Variants in ITGA1 observed in about 807,000 individuals in gnomAD.
The protein encoded by ITGA1 is integrin alpha-1.
Under a neutral mutation model 145.9 loss-of-function variants are expected in ITGA1, and 85 were observed. The ratio of observed to expected loss-of-function variants is 0.58; its 90% CI spans 0.49 to 0.70. The LOEUF (loss-of-function observed/expected upper bound fraction) is 0.70, where lower values mean the gene tolerates loss of function less well. Among genes scored for constraint, ITGA1 ranks in the 30% least tolerant of loss-of-function variants. The probability of loss-of-function intolerance (pLI) is 0.00; values close to 1 mark genes in which losing one functional copy is unlikely to be tolerated. For missense variants in ITGA1, 1,351 were observed against 1,418.7 expected, an observed-to-expected ratio of 0.95 and a Z score of 0.77; for synonymous variants, 520 against 495.3, an observed-to-expected ratio of 1.05 and a Z score of -0.66.
At chr5:52,824,129 T>A (rs934231899) in intron 1 of ITGA1, among the ~76,000 whole-genome samples, 1 of 152,074 alleles carries the variant, frequency 6.6e-6, no homozygotes, top group East Asian at 1.9e-4. Context: ...ATAGTAATCA[T>A]TAAATCAAAT....
chr5:52,789,047 A>G (rs1748186769), intron 1 of ITGA1, among the ~76,000 whole-genome samples: 1 of 152,256 alleles, frequency 6.6e-6, no homozygotes, highest in African/African-American at 2.4e-5. Flanking sequence ...TTTAAGATGC[A>G]AAATATAGTA....
intron 11 of ITGA1, among the ~76,000 whole-genome samples, 167 bp downstream of exon 11, chr5:52,898,550 A>G (rs1750267270): frequency 6.6e-6 from 1 of 152,146 alleles, no homozygotes; most frequent in Non-Finnish European, 1.5e-5. Flanking sequence ...GAGCAGCTTT[A>G]GTTAGTCAAA....
At chr5:52,892,402 A>G (rs1750165466) in intron 8 of ITGA1, among the ~76,000 whole-genome samples, 1 of 152,186 alleles carries the variant, frequency 6.6e-6, no homozygotes, top group Admixed American at 6.5e-5. Context: ...GAATAGTAAA[A>G]TGGCAAAATG....
At position 52,957,299 on chromosome 5, in the gene ITGA1, T is replaced by C. The variant is rs1463114616; in HGVS notation, c.*4848T>C. The C allele has an allele frequency of 1.3e-5, 2 of 152,122 alleles. No homozygotes were observed. The highest frequency in any genetic ancestry group is 3.9e-4 in the East Asian group (2 of 5,190). 9.4% of individuals were successfully genotyped at this position (152,122 alleles called of 1,614,324 possible). On this transcript the variant is annotated 3_prime_UTR_variant, in exon 29 of 29. Transcript: ENST00000282588. ...TTATAAAGGGCCGATGCTTAACCCTTGAACCCACTACTGTTCTTATGCCCC... is the reference window on the plus strand; with the variant it reads ...TTATAAAGGGCCGATGCTTAACCCTCGAACCCACTACTGTTCTTATGCCCC...
At chr5:52,888,110 T>G in intron 8 of ITGA1, 145 bp downstream of exon 8, 1 of 730,844 alleles carries the variant, frequency 1.4e-6, no homozygotes, top group Non-Finnish European at 2.1e-6. Context: ...AGGACAGACT[T>G]GGATCTTGCT....
chr5:52,884,901 G>A (rs1370467050), intron 7 of ITGA1, among the ~76,000 whole-genome samples: 1 of 151,950 alleles, frequency 6.6e-6, no homozygotes, highest in Non-Finnish European at 1.5e-5. Context: ...ACAGATTAAC[G>A]GCTCAGTCCT....
chr5:52,932,843 T>A (rs1261907386), intron 22 of ITGA1: 1 of 152,152 alleles, frequency 6.6e-6, no homozygotes. Context: ...TCTTATGTGA[T>A]CCTCATGATA....
intron 1 of ITGA1, among the ~76,000 whole-genome samples, chr5:52,823,718 T>G (rs1748915077): frequency 6.6e-6 from 1 of 152,126 alleles, no homozygotes; most frequent in Non-Finnish European, 1.5e-5. Flanking sequence ...CAACGGAGAC[T>G]GAGAAAGCAG....
intron 1 of ITGA1, among the ~76,000 whole-genome samples, chr5:52,806,834 C>T (rs965170069): frequency 2.4e-4 from 36 of 152,064 alleles, no homozygotes; most frequent in African/African-American, 8.2e-4. Flanking sequence ...AGGACAAACA[C>T]CTTTGTGTGT....
intron 2 of ITGA1, among the ~76,000 whole-genome samples, chr5:52,860,740 G>A (rs1405830504): frequency 1.3e-5 from 2 of 152,102 alleles, no homozygotes; most frequent in Admixed American, 6.6e-5. Context: ...TAGTTCATCC[G>A]ATTCCTGAAG....
At position 52,937,370 on chromosome 5, in the gene ITGA1, G is replaced by A. The variant is rs370146426; in HGVS notation, c.2965-31G>A. On this transcript the variant is annotated intron_variant, in intron 23 of 28. Transcript: ENST00000282588. ...CAGAAGAATTCTATTAAAAGAGGAA[G>A]AAAGATTACATTTCCATTTTTTTCT... The A allele has an allele frequency of 5.3e-5, 73 of 1,378,826 alleles. No individual in the cohort carries two copies. In the African/African-American group the frequency reaches 1.0e-3, roughly 19 times the overall value. The allele number at this position is 1,378,826 out of a possible 1,614,324, so 85.4% of individuals were successfully genotyped here. A position where few individuals can be genotyped will look rare whatever the true frequency, so the allele number is the denominator to read the frequency against.
rs757145736 is a variant in ITGA1, at chr5:52,881,938, C to G, written c.690C>G (p.Thr230=). 2 of 1,613,580 alleles carry G rather than the reference C, an allele frequency of 1.2e-6. No homozygotes were observed. Among genetic ancestry groups the G allele is most frequent in the South Asian group, 1.1e-5 (1 of 91,014 alleles). The change falls in exon 7 of 29, where the codon ACC becomes ACG. Residue 230 remains threonine (T), a synonymous_variant. Transcript: ENST00000282588. ...TCAACCTCAATAAGTATTCTTCCAC[C>G]GAAGAGGTACTTGTTGCAGCAAAGA... ...HEFNLNKYSS[T]EEVLVAAKKI... is the part of the protein sequence containing the mutation.
intron 6 of ITGA1, among the ~76,000 whole-genome samples, chr5:52,878,222 C>A (rs1249612917): frequency 1.3e-5 from 2 of 152,114 alleles, no homozygotes; most frequent in East Asian, 1.9e-4. Flanking sequence ...GTGCAGTCAT[C>A]TGAAGAGAGT....
intron 6 of ITGA1, among the ~76,000 whole-genome samples, chr5:52,867,867 G>T (rs1561231828): frequency 6.6e-6 from 1 of 151,768 alleles, no homozygotes; most frequent in Non-Finnish European, 1.5e-5. Context: ...CTTTCTGAGG[G>T]CTCTACTTCT....
At position 52,896,472 on chromosome 5, in the gene ITGA1, G is replaced by A. The variant is rs530354343; in HGVS notation, c.1091-983G>A. ...ATATATTTGAATTCTTCACTGCCGCGTCTAATCTAGTCCTACAAAGGTAAT... is the reference window on the plus strand; with the variant it reads ...ATATATTTGAATTCTTCACTGCCGCATCTAATCTAGTCCTACAAAGGTAAT... On this transcript the variant is annotated intron_variant, in intron 9 of 28. Coordinates refer to ENST00000282588, the MANE Select transcript of ITGA1 (RefSeq NM_181501.2). 1.8e-3 allele frequency among the ~76,000 whole-genome samples: 274 copies of A among 152,254 alleles called. 1 individual carries two copies. The highest frequency in any genetic ancestry group is 6.2e-3 in the African/African-American group (257 of 41,552).
chr5:52,818,321 T>C (rs1455447775), intron 1 of ITGA1, among the ~76,000 whole-genome samples: 3 of 152,194 alleles, frequency 2.0e-5, no homozygotes, highest in Non-Finnish European at 4.4e-5. Flanking sequence ...TATTACTTTT[T>C]GGAGTTCTAA....
intron 9 of ITGA1, among the ~76,000 whole-genome samples, chr5:52,896,101 G>T (rs892681665): frequency 5.9e-5 from 9 of 152,200 alleles, no homozygotes; most frequent in Non-Finnish European, 1.3e-4. Flanking sequence ...TTTCTAACCA[G>T]AGGCTGCACA....
rs370124145 is a variant in ITGA1, at chr5:52,909,160, T to C, written c.1599+119T>C. ...AAACAGAGCAAAGAAGCTATCAGGA[T>C]TCATTCACTCCACCAACCCCTCAGT... On this transcript the variant is annotated intron_variant, in intron 13 of 28. Transcript: ENST00000282588. 10 of 1,007,568 alleles carry C rather than the reference T, an allele frequency of 9.9e-6. No homozygotes were observed. In the African/African-American group the frequency reaches 1.5e-4, roughly 15 times the overall value. The allele number at this position is 1,007,568 out of a possible 1,614,324, so 62.4% of individuals were successfully genotyped here.
At chr5:52,939,475 A>C in intron 24 of ITGA1, 115 bp from the exon 25 acceptor site, 1 of 681,166 alleles carries the variant, frequency 1.5e-6, no homozygotes, top group Non-Finnish European at 2.5e-6. Context: ...ACAAAGATGG[A>C]TCTCTAATAT....
Sources: gnomAD v4.1 joint callset for allele counts (sites outside exome capture counted in the v4.1 genomes callset) on GRCh38, gnomAD v4.1.1 for gene constraint, MANE v1.5 for transcripts, NCBI Gene and HGNC (gene_info 2026-07-23, HGNC 2026-07-21) for gene names.